The following HELQ variants were observed in gnomAD, a reference collection of about 807,000 sequenced individuals.
HELQ encodes helicase POLQ-like.
Under a neutral mutation model 111.6 loss-of-function variants are expected in HELQ, and 77 were observed. That is an observed-to-expected ratio of 0.69 (90% CI 0.57 to 0.83). HELQ has a LOEUF of 0.83. Among genes scored for constraint, HELQ ranks in the 40% least tolerant of loss-of-function variants. The pLI, the probability that HELQ is intolerant of heterozygous loss-of-function variation, is 0.00. For synonymous variants in HELQ, 438 were observed against 454.7 expected (o/e 0.96, Z 0.47); for missense variants, 1,200 against 1,288.5 (o/e 0.93, Z 1.05).
In HELQ at chr4:83,429,646, G is replaced by A. The variant is rs1269162470; in HGVS notation, c.2396C>T (p.Thr799Ile). The change falls in exon 12 of 18, where the codon ACT becomes ATT. Residue 799 changes from threonine to isoleucine, a missense_variant. By Grantham distance (89) the Thr-to-Ile change is moderately conservative. Around this residue, in one of 3 missense-constraint regions of HELQ, gnomAD observed 585 missense variants for 665.3 expected, o/e 0.88. Transcript: ENST00000295488. Reference protein sequence around the residue: ...LLKEKSLWEITVESLRYLTEK... With the variant: ...LLKEKSLWEIIVESLRYLTEK... ...TGTCAGGTATCTAAGTGATTCAACA[G>A]TTATTTCCCAGAGACTTTTTTCTTT... is the stretch of plus-strand genomic sequence containing the variant. 1 of 1,612,832 alleles carries A rather than the reference G, an allele frequency of 6.2e-7. No individual in the cohort carries two copies. Among genetic ancestry groups the A allele is most frequent in the Non-Finnish European group, 8.5e-7 (1 of 1,179,036 alleles).
intron 11 of HELQ, among the ~76,000 whole-genome samples, chr4:83,430,026 A>G (rs1162742715): frequency 6.6e-6 from 1 of 152,126 alleles, no homozygotes; most frequent in East Asian, 1.9e-4. Context: ...ATTTTTCACA[A>G]TATCTCCAGA....
At chr4:83,443,735 T>A (rs1720897447) in intron 5 of HELQ, 121 bp from the exon 6 acceptor site, 2 of 520,514 alleles carry the variant, frequency 3.8e-6, no homozygotes, top group Admixed American at 6.7e-5. Flanking sequence ...GGGAAAGGGG[T>A]GGGAGAGGTA....
intron 9 of HELQ, among the ~76,000 whole-genome samples, chr4:83,432,870 G>A (rs929671008): frequency 3.9e-4 from 59 of 151,862 alleles, no homozygotes; most frequent in African/African-American, 1.4e-3. Context: ...AATATAGTGA[G>A]ATGCAGTCTC....
intron 3 of HELQ, 111 bp downstream of exon 3, chr4:83,448,669 CAAA>C (rs34960937): frequency 1.5e-3 from 1,033 of 670,662 alleles, no homozygotes; most frequent in South Asian, 2.6e-3. Context: ...GACTCCATCT[CAAA>C]AAAAAAAAAA....
intron 6 of HELQ, among the ~76,000 whole-genome samples, chr4:83,442,571 C>G (rs1720831118): frequency 6.6e-6 from 1 of 151,716 alleles, no homozygotes; most frequent in East Asian, 1.9e-4. Context: ...GTCACCATGC[C>G]CTGCTAATTT....
chr4:83,419,231 C>A (rs1351046893), intron 15 of HELQ, among the ~76,000 whole-genome samples: 1 of 142,052 alleles, frequency 7.0e-6, no homozygotes, highest in East Asian at 2.0e-4. Flanking sequence ...CAAGACGATT[C>A]TTCTTCCAAT....
intron 1 of HELQ, 36 bp from the exon 2 acceptor site, chr4:83,453,981 A>G (rs749321853): frequency 8.1e-7 from 1 of 1,234,532 alleles, no homozygotes; most frequent in Non-Finnish European, 1.2e-6. Context: ...GGTCAATTCC[A>G]GTTTCATTAA....
At chr4:83,440,823 TTAAA>T (rs1387511838) in intron 7 of HELQ, among the ~76,000 whole-genome samples, 1 of 152,256 alleles carries the variant, frequency 6.6e-6, no homozygotes, top group East Asian at 1.9e-4. Context: ...GTTTTGTTAA[TTAAA>T]TAGTGAGGTC....
intron 8 of HELQ, among the ~76,000 whole-genome samples, chr4:83,439,367 C>CT (rs34289754): frequency 0.35 from 50,753 of 144,310 alleles, 10,331 homozygotes; most frequent in East Asian, 0.66. Flanking sequence ...GCCTGGTCTT[C>CT]TTTTTTTTTT....
At position 83,429,661 on chromosome 4, in the gene HELQ, CT is replaced by C. The variant is rs749809175; in HGVS notation, c.2380del (p.Ser794ValfsTer5). ...VQQKVLLKEK[S>X]LWEITVESLR... is the part of the protein sequence containing the mutation. ...TGATTCAACAGTTATTTCCCAGAGA[CT>C]TTTTTCTTTCAATAAAACCTTTTGC... On this transcript the variant is annotated frameshift_variant, in exon 12 of 18. Transcript: ENST00000295488. LOFTEE classifies it high-confidence loss of function. 6.2e-7 allele frequency: 1 copy of C among 1,613,164 alleles called. No individual in the cohort carries two copies. Among genetic ancestry groups the C allele is most frequent in the Non-Finnish European group, 8.5e-7 (1 of 1,179,356 alleles).
At chr4:83,437,964 A>ACT (rs1397315046) in intron 8 of HELQ, among the ~76,000 whole-genome samples, 1 of 152,154 alleles carries the variant, frequency 6.6e-6, no homozygotes, top group Non-Finnish European at 1.5e-5. Flanking sequence ...ACCTTGAATT[A>ACT]CTCTAAGAAA....
Position 83,455,627 on chromosome 4 carries a change from C to T in HELQ, c.67G>A (p.Gly23Arg), listed in dbSNP as rs1578113991. Reference sequence around the variant, plus strand: ...GCGGTGGGAGCGCCAAAAATACACCCCAAGCTTGGACGGTTCCTTTTGGGG... The same window carrying T: ...GCGGTGGGAGCGCCAAAAATACACCTCAAGCTTGGACGGTTCCTTTTGGGG... ...SLPKRNRPSL[G>R]CIFGAPTAAE... Residue 23 changes from glycine (G) to arginine (R), a missense_variant, in exon 1 of 18, where the codon GGG becomes AGG. Gly to Arg is a moderately radical substitution (Grantham distance 125, BLOSUM62 -2). This residue lies in a region of HELQ where 610 missense variants were observed against 607.1 expected (regional missense o/e 1.00). Coordinates refer to ENST00000295488, the MANE Select transcript of HELQ (RefSeq NM_133636.5). The T allele has an allele frequency of 6.2e-7, 1 of 1,613,724 alleles. No homozygotes were observed. Among genetic ancestry groups the T allele is most frequent in the Non-Finnish European group, 8.5e-7 (1 of 1,180,024 alleles).
At chr4:83,453,986 C>T (rs1372535251) in intron 1 of HELQ, 41 bp from the exon 2 acceptor site, 3 of 1,219,328 alleles carry the variant, frequency 2.5e-6, no homozygotes, top group Non-Finnish European at 2.3e-6. Context: ...ATTCCAGTTT[C>T]ATTAAGAATA....
At chr4:83,432,625 G>A (rs1018976958) in intron 9 of HELQ, among the ~76,000 whole-genome samples, 5 of 152,076 alleles carry the variant, frequency 3.3e-5, no homozygotes, top group Admixed American at 6.5e-5. Flanking sequence ...TCTCCAAAGC[G>A]TTTGGACTTT....
Position 83,427,721 on chromosome 4 carries a change from C to T in HELQ, c.2519-1G>A. On this transcript the variant is annotated splice_acceptor_variant, in intron 12 of 17. Coordinates refer to ENST00000295488, the MANE Select transcript of HELQ (RefSeq NM_133636.5). LOFTEE classifies it high-confidence loss of function. ...TCACAATAAGCTAAATCTATAGTTC[C>T]TAAAAGAAAGATACAAATATTCAAT... 6.6e-7 allele frequency: 1 copy of T among 1,514,618 alleles called. No homozygotes were observed. The highest frequency in any genetic ancestry group is 8.8e-7 in the Non-Finnish European group (1 of 1,130,016). 93.8% of individuals were successfully genotyped at this position (1,514,618 alleles called of 1,614,324 possible).
Position 83,416,858 on chromosome 4 carries a change from G to T in HELQ, c.3071C>A (p.Ala1024Glu), listed in dbSNP as rs1157381788. 6.2e-7 allele frequency: 1 copy of T among 1,600,354 alleles called. No homozygotes were observed. The highest frequency in any genetic ancestry group is 1.3e-5 in the African/African-American group (1 of 74,158). ...GTAACCTGCACTGTATAACTGTTTT[G>T]CTCGACCCTGAAAAGTGTTACAAAA... ...MEVTGVLEGR[A>E]KQLYSAGYKS... The change falls in exon 17 of 18, where the codon GCA becomes GAA. Residue 1024 changes from alanine (A) to glutamate (E), a missense_variant. By Grantham distance (107) the Ala-to-Glu change is moderately radical. Around this residue, in one of 3 missense-constraint regions of HELQ, gnomAD observed 585 missense variants for 665.3 expected, o/e 0.88. Transcript: ENST00000295488.
In HELQ at chr4:83,446,062, G is replaced by C. The variant is rs751377136; in HGVS notation, c.1417C>G (p.Arg473Gly). 4 of 1,613,238 alleles carry C rather than the reference G, an allele frequency of 2.5e-6. No individual in the cohort carries two copies. Among genetic ancestry groups the C allele is most frequent in the Non-Finnish European group, 3.4e-6 (4 of 1,179,514 alleles). Residue 473 changes from arginine (R) to glycine (G), a missense_variant, in exon 5 of 18, where the codon CGT becomes GGT. Around this residue, in one of 3 missense-constraint regions of HELQ, gnomAD observed 610 missense variants for 607.1 expected, o/e 1.00. Coordinates refer to ENST00000295488, the MANE Select transcript of HELQ (RefSeq NM_133636.5). ...AGGGTCATTTCCAGTGTAGCTCCAC[G>C]GCTTCCTTCACCAATCATGTGCAAC... The part of the protein sequence containing the change: ...DELHMIGEGS[R>G]GATLEMTLAK...
At chr4:83,436,649 G>T (rs1328019873) in intron 9 of HELQ, among the ~76,000 whole-genome samples, 1 of 152,040 alleles carries the variant, frequency 6.6e-6, no homozygotes, top group Non-Finnish European at 1.5e-5. Flanking sequence ...CTAATATCAA[G>T]AAATCTATTA....
chr4:83,449,388 C>A (rs746810899), intron 2 of HELQ, among the ~76,000 whole-genome samples: 1 of 152,156 alleles, frequency 6.6e-6, no homozygotes, highest in African/African-American at 2.4e-5. Context: ...CAGAGAGAAG[C>A]AGGGGAAGGA....
Sources: allele counts gnomAD v4.1 joint callset (sites outside exome capture counted in the v4.1 genomes callset), GRCh38; gene constraint gnomAD v4.1.1; regional missense constraint gnomAD v4.1.1; transcripts MANE v1.5; gene names NCBI Gene and HGNC (gene_info 2026-07-23, HGNC 2026-07-21).